The following FMNL2 variants were observed in gnomAD, a reference collection of about 807,000 sequenced individuals.
The protein encoded by FMNL2 is formin like 2, also known as formin-like protein 2.
FMNL2 carries 51 observed loss-of-function variants against 130.2 expected under a neutral mutation model. The observed-to-expected ratio is 0.39, with a 90% CI of 0.31 to 0.49. The LOEUF is 0.49. FMNL2 is among the 20% of genes least tolerant of loss of function. FMNL2 has a pLI of 0.85. For missense variants in FMNL2, 977 were observed against 1,316.2 expected, an observed-to-expected ratio of 0.74 and a Z score of 3.99; for synonymous variants, 465 against 467.1, an observed-to-expected ratio of 1.00 and a Z score of 0.06.
At chr2:152,621,675 A>G (rs962972852) in intron 15 of FMNL2, among the ~76,000 whole-genome samples, 7 of 152,174 alleles carry the variant, frequency 4.6e-5, no homozygotes, top group African/African-American at 7.2e-5. Context: ...AGATCAGGCA[A>G]TTTCTCCAAG....
chr2:152,525,545 C>A (rs1483846496), intron 2 of FMNL2, among the ~76,000 whole-genome samples: 1 of 152,192 alleles, frequency 6.6e-6, no homozygotes, highest in Non-Finnish European at 1.5e-5. Flanking sequence ...TGTTGCTTTG[C>A]ATAGTAGCCT....
intron 1 of FMNL2, among the ~76,000 whole-genome samples, chr2:152,521,370 A>G (rs990085266): frequency 1.3e-5 from 2 of 152,204 alleles, no homozygotes; most frequent in African/African-American, 4.8e-5. Context: ...ATAAACCAAT[A>G]TAGCTCAACT....
intron 1 of FMNL2, among the ~76,000 whole-genome samples, chr2:152,491,035 G>A (rs551273562): frequency 1.3e-5 from 2 of 152,296 alleles, no homozygotes; most frequent in East Asian, 3.9e-4. Flanking sequence ...CCATTGTGCT[G>A]TTGGTGGGGA....
intron 1 of FMNL2, among the ~76,000 whole-genome samples, chr2:152,363,600 C>T (rs1165167781): frequency 1.3e-5 from 2 of 151,900 alleles, no homozygotes; most frequent in African/African-American, 4.8e-5. Flanking sequence ...CTCGCTCTGT[C>T]GCCCAGGCTG....
chr2:152,335,827 T>G, intron 1 of FMNL2, 107 bp downstream of exon 1: 1 of 739,790 alleles, frequency 1.4e-6, no homozygotes, highest in Non-Finnish European at 2.0e-6. Flanking sequence ...GAGCCTCCAT[T>G]CCCGAGGGGG....
At chr2:152,429,314 G>A (rs1471347419) in intron 1 of FMNL2, among the ~76,000 whole-genome samples, 2 of 151,914 alleles carry the variant, frequency 1.3e-5, no homozygotes, top group African/African-American at 2.4e-5. Context: ...TTTCTAGGCC[G>A]GTGCCCCTGC....
chr2:152,558,285 G>A (rs1234131803), intron 4 of FMNL2, among the ~76,000 whole-genome samples: 1 of 152,116 alleles, frequency 6.6e-6, no homozygotes, highest in Non-Finnish European at 1.5e-5. Flanking sequence ...GGTTTCTGTA[G>A]CTTAGTGTGC....
In FMNL2 at chr2:152,562,543, C is replaced by A. The variant is rs147271887; in HGVS notation, c.596+1508C>A. Among the ~76,000 whole-genome samples the A allele has an allele frequency of 5.8e-3, 882 of 152,246 alleles. 9 individuals are homozygous for A. The highest frequency in any genetic ancestry group is 0.02 in the African/African-American group (850 of 41,520). On this transcript the variant is annotated intron_variant, in intron 6 of 25. Transcript: ENST00000288670. ...AAGGATTTGATATTTGAGTATGATA[C>A]CTCCAGTAAATCATTTAGATTTTCC... is the stretch of plus-strand genomic sequence containing the variant.
At chr2:152,335,792 C>T (rs911305402) in intron 1 of FMNL2, 72 bp downstream of exon 1, 2 of 1,111,930 alleles carry the variant, frequency 1.8e-6, no homozygotes, top group African/African-American at 1.7e-5. Context: ...ACCCCCGCCC[C>T]TCCCCTTCAC....
chr2:152,358,673 TGTATA>T (rs2105806439), intron 1 of FMNL2, among the ~76,000 whole-genome samples: 1 of 135,952 alleles, frequency 7.4e-6, no homozygotes, highest in African/African-American at 3.7e-5. Flanking sequence ...ACTTCCTTCA[TGTATA>T]CATATATCCT....
At chr2:152,549,522 C>A (rs561346246) in intron 4 of FMNL2, among the ~76,000 whole-genome samples, 1 of 152,134 alleles carries the variant, frequency 6.6e-6, no homozygotes, top group Non-Finnish European at 1.5e-5. Flanking sequence ...CAGAAGGGGA[C>A]GGAAGCTGGA....
At chr2:152,536,428 C>T (rs1693997703) in intron 2 of FMNL2, among the ~76,000 whole-genome samples, 2 of 152,202 alleles carry the variant, frequency 1.3e-5, no homozygotes, top group South Asian at 2.1e-4. Flanking sequence ...CATTTAGAGA[C>T]TGCAGTTTGC....
intron 1 of FMNL2, among the ~76,000 whole-genome samples, chr2:152,407,409 C>G (rs1050069401): frequency 2.0e-5 from 3 of 152,000 alleles, no homozygotes; most frequent in Admixed American, 6.6e-5. Context: ...GTGTCAGTGT[C>G]TGCCTTTCTG....
Position 152,419,431 on chromosome 2 carries a change from G to A in FMNL2, c.117+83711G>A, listed in dbSNP as rs762355098. On this transcript the variant is annotated intron_variant, in intron 1 of 25. Transcript: ENST00000288670. ...CAACATGAGTGGAATTAGAAAACAT[G>A]CTAAGTGAAGTAAGCGAAACACAGA... Among the ~76,000 whole-genome samples the A allele has an allele frequency of 5.3e-5, 8 of 152,154 alleles. 1 individual carries two copies. Among genetic ancestry groups the A allele is most frequent in the Non-Finnish European group, 7.3e-5 (5 of 68,030 alleles).
intron 9 of FMNL2, among the ~76,000 whole-genome samples, chr2:152,581,646 A>G (rs572725749): frequency 2.0e-5 from 3 of 152,072 alleles, no homozygotes. Flanking sequence ...GCCCTGCCCC[A>G]GTGTATCCAA....
At chr2:152,425,502 T>G (rs75239367) in intron 1 of FMNL2, among the ~76,000 whole-genome samples, 2,577 of 152,362 alleles carry the variant, frequency 0.017, 32 homozygotes, top group Middle Eastern at 0.082. Context: ...TTAAATATCT[T>G]TGGCTTAATT....
intron 1 of FMNL2, among the ~76,000 whole-genome samples, chr2:152,374,823 T>G (rs979975960): frequency 2.0e-5 from 3 of 152,174 alleles, no homozygotes; most frequent in Admixed American, 6.5e-5. Context: ...CTAGAACCAC[T>G]CTCCATCCTG....
At position 152,614,833 on chromosome 2, in the gene FMNL2, T is replaced by C. The variant is rs753822311; in HGVS notation, c.1063-18T>C. On this transcript the variant is annotated intron_variant, in intron 11 of 25. Coordinates refer to ENST00000288670, the MANE Select transcript of FMNL2 (RefSeq NM_052905.4). The stretch of plus-strand genomic sequence containing the variant: ...ATAGATGAGCTAACACCACGTTCTC[T>C]CCTATTCTGGTTTTTAGAAGCTGAA... 1.9e-6 allele frequency: 3 copies of C among 1,598,952 alleles called. No homozygotes were observed. Among genetic ancestry groups the C allele is most frequent in the African/African-American group, 2.7e-5 (2 of 73,746 alleles).
At chr2:152,397,793 C>A (rs1685481164) in intron 1 of FMNL2, among the ~76,000 whole-genome samples, 1 of 152,124 alleles carries the variant, frequency 6.6e-6, no homozygotes, top group Non-Finnish European at 1.5e-5. Flanking sequence ...GTATGTCATT[C>A]TTCTCTGTGA....
Sources: allele counts gnomAD v4.1 joint callset (sites outside exome capture counted in the v4.1 genomes callset), GRCh38; gene constraint gnomAD v4.1.1; transcripts MANE v1.5; gene names NCBI Gene and HGNC (gene_info 2026-07-23, HGNC 2026-07-21).